KCNIP1: variants seen among roughly 807,000 people sequenced by gnomAD.
The protein encoded by KCNIP1 is A-type potassium channel modulatory protein KCNIP1.
In KCNIP1, 18 loss-of-function variants were observed where a neutral mutation model predicts 33.0. That is an observed-to-expected ratio of 0.55 (90% confidence interval 0.38 to 0.81). The LOEUF (loss-of-function observed/expected upper bound fraction) is 0.81, where lower values mean the gene tolerates loss of function less well. Among genes scored for constraint, KCNIP1 ranks in the 30% least tolerant of loss-of-function variants. The pLI is 0.00. For missense variants in KCNIP1, 238 were observed against 271.6 expected (o/e 0.88, Z 0.87); for synonymous variants, 93 against 98.3 (o/e 0.95, Z 0.32).
chr5:170,372,886 T>C (rs1021814900), intron 1 of KCNIP1, among the ~76,000 whole-genome samples: 57 of 152,264 alleles, frequency 3.7e-4, no homozygotes, highest in African/African-American at 1.2e-3. Flanking sequence ...TTTTGTTTTA[T>C]GTGTACTGGG....
intron 1 of KCNIP1, among the ~76,000 whole-genome samples, chr5:170,660,192 A>G (rs1460413116): frequency 1.3e-5 from 2 of 152,214 alleles, no homozygotes; most frequent in Non-Finnish European, 2.9e-5. Context: ...TATAGCCTTC[A>G]GAACTTCTGG....
intron 1 of KCNIP1, among the ~76,000 whole-genome samples, chr5:170,606,165 G>A (rs1758910637): frequency 1.3e-5 from 2 of 152,144 alleles, no homozygotes; most frequent in Admixed American, 6.5e-5. Context: ...CCTTTGGATT[G>A]TCTCACATTT....
At chr5:170,700,260 C>T (rs980868293) in intron 1 of KCNIP1, among the ~76,000 whole-genome samples, 2 of 152,274 alleles carry the variant, frequency 1.3e-5, no homozygotes, top group Non-Finnish European at 2.9e-5. Flanking sequence ...CACAGAGAAG[C>T]CTTGCGGTTA....
rs139716868 is a variant in KCNIP1 at position 170,385,417 on chromosome 5, G to A, written c.88+31453G>A. On this transcript the variant is annotated intron_variant, in intron 1 of 7. Transcript: ENST00000377360. ...AGGCAAAGGGCTCGTGTCTCTCCCC[G>A]CTTCTGGGCCATCACCAGCTTCTTC... The A allele has an allele frequency of 1.4e-4, 228 of 1,614,050 alleles. 1 individual carries two copies. The East Asian group carries it at 3.4e-3, about 24-fold the overall frequency.
intron 1 of KCNIP1, among the ~76,000 whole-genome samples, chr5:170,581,690 C>T (rs6881347): frequency 1.3e-5 from 2 of 152,244 alleles, no homozygotes; most frequent in South Asian, 4.2e-4. Context: ...GTTGTAGTAC[C>T]TCACTTATTA....
At chr5:170,638,167 C>T (rs1442470395) in intron 1 of KCNIP1, among the ~76,000 whole-genome samples, 3 of 152,148 alleles carry the variant, frequency 2.0e-5, no homozygotes, top group African/African-American at 7.2e-5. Context: ...CACCTCTGAC[C>T]TTAGCCCAAG....
intron 1 of KCNIP1, among the ~76,000 whole-genome samples, chr5:170,542,339 G>C (rs911827038): frequency 8.5e-5 from 13 of 152,136 alleles, no homozygotes; most frequent in African/African-American, 3.1e-4. Flanking sequence ...GTGGCACTGG[G>C]CAGGTTCATC....
At chr5:170,526,506 A>G (rs1755574543) in intron 1 of KCNIP1, among the ~76,000 whole-genome samples, 1 of 152,140 alleles carries the variant, frequency 6.6e-6, no homozygotes, top group African/African-American at 2.4e-5. Flanking sequence ...CACTGCACCC[A>G]GATTACATCC....
intron 1 of KCNIP1, among the ~76,000 whole-genome samples, chr5:170,716,419 C>T (rs7713498): frequency 0.58 from 88,436 of 152,050 alleles, 26,434 homozygotes; most frequent in East Asian, 0.86. Flanking sequence ...AAAGAGAGGG[C>T]CACTGGTTTA....
At chr5:170,419,629 C>CT (rs1382418824) in intron 1 of KCNIP1, among the ~76,000 whole-genome samples, 1 of 152,238 alleles carries the variant, frequency 6.6e-6, no homozygotes, top group African/African-American at 2.4e-5. Context: ...AAATTGTGCA[C>CT]TTACGATGTA....
chr5:170,507,714 C>T (rs1754771470), intron 1 of KCNIP1, among the ~76,000 whole-genome samples: 1 of 152,200 alleles, frequency 6.6e-6, no homozygotes, highest in African/African-American at 2.4e-5. Flanking sequence ...AAAAACTCTG[C>T]ATGATTAGTG....
At chr5:170,561,920 G>A (rs772782275) in intron 1 of KCNIP1, among the ~76,000 whole-genome samples, 1 of 152,138 alleles carries the variant, frequency 6.6e-6, no homozygotes, top group African/African-American at 2.4e-5. Context: ...AACGCATTTA[G>A]TACCCCCAGT....
rs932412487 is a variant in KCNIP1 at position 170,653,955 on chromosome 5, G to A, written c.62-64803G>A. Among the ~76,000 whole-genome samples, 5 of 151,974 alleles carry A rather than the reference G, an allele frequency of 3.3e-5. No individual in the cohort carries two copies. In the East Asian group the frequency reaches 5.8e-4, roughly 18 times the overall value. On this transcript the variant is annotated intron_variant, in intron 1 of 7. Transcript: ENST00000328939. ...AGGAGGACATTTCCTAGAAAAAAGG[G>A]TGCTAGTCTGACAAGCCCACAGTGG...
In KCNIP1 at chr5:170,489,090, C is replaced by A. The variant is rs993491342; in HGVS notation, c.88+135126C>A. Among the ~76,000 whole-genome samples, 3 of 152,168 alleles carry A rather than the reference C, an allele frequency of 2.0e-5. No individual in the cohort carries two copies. Among genetic ancestry groups the A allele is most frequent in the Non-Finnish European group, 2.9e-5 (2 of 68,024 alleles). ...AGAGAGGAAGGATGTGCCTTCTCCC[C>A]CGGAGGCCAGAGGGCAGGAGACCAG... On this transcript the variant is annotated intron_variant, in intron 1 of 7. Coordinates refer to the KCNIP1 transcript ENST00000377360. This position sits in a 1 kb window ranked among gnomAD's most constrained non-coding sequence, Gnocchi z 4.3.
intron 1 of KCNIP1, among the ~76,000 whole-genome samples, chr5:170,369,372 TA>T (rs774576320): frequency 6.6e-6 from 1 of 152,238 alleles, no homozygotes; most frequent in Non-Finnish European, 1.5e-5. Flanking sequence ...CAGTGCTAAA[TA>T]TAGAAATCAA....
chr5:170,409,225 GA>G (rs1398518156), intron 1 of KCNIP1, among the ~76,000 whole-genome samples: 1 of 152,184 alleles, frequency 6.6e-6, no homozygotes, highest in African/African-American at 2.4e-5. Flanking sequence ...TCCTGAAGTT[GA>G]AATCTCAAAC....
chr5:170,407,210 G>A (rs1755059270), intron 1 of KCNIP1, among the ~76,000 whole-genome samples: 1 of 152,192 alleles, frequency 6.6e-6, no homozygotes, highest in African/African-American at 2.4e-5. Context: ...CTGCTAGCGG[G>A]GGAAGCTGCA....
intron 1 of KCNIP1, among the ~76,000 whole-genome samples, chr5:170,624,783 G>A (rs73317354): frequency 0.053 from 7,705 of 145,378 alleles, 302 homozygotes; most frequent in Non-Finnish European, 0.074. Flanking sequence ...GGGAGAAGGG[G>A]AGAAAAGCGC....
At chr5:170,540,927 C>T (rs1228672332) in intron 1 of KCNIP1, among the ~76,000 whole-genome samples, 2 of 152,218 alleles carry the variant, frequency 1.3e-5, no homozygotes, top group African/African-American at 4.8e-5. Context: ...TGTGCCATTT[C>T]TGCACTGGAT....
Sources: allele counts gnomAD v4.1 joint callset (sites outside exome capture counted in the v4.1 genomes callset), GRCh38; gene constraint gnomAD v4.1.1; non-coding constraint Gnocchi (gnomAD v3.1); transcripts MANE v1.5; gene names NCBI Gene and HGNC (gene_info 2026-07-23, HGNC 2026-07-21).